FSTL4: variants seen among roughly 807,000 people sequenced by gnomAD.
FSTL4 encodes the protein follistatin like 4, also known as follistatin-related protein 4.
FSTL4 carries 28 observed loss-of-function variants against 78.2 expected under a neutral mutation model. The ratio of observed to expected loss-of-function variants is 0.36; its 90% CI spans 0.27 to 0.49. The LOEUF (loss-of-function observed/expected upper bound fraction) is 0.49, where lower values mean the gene tolerates loss of function less well. Ranked by LOEUF, FSTL4 falls within the 20% of genes least tolerant of loss-of-function variation. FSTL4 has a pLI of 0.98. For missense variants in FSTL4, 922 were observed against 1,084.9 expected, an observed-to-expected ratio of 0.85 and a Z score of 2.11; for synonymous variants, 422 against 440.5, an observed-to-expected ratio of 0.96 and a Z score of 0.53.
chr5:133,468,869 AAC>A (rs1245453744), intron 3 of FSTL4, among the ~76,000 whole-genome samples: 2 of 152,182 alleles, frequency 1.3e-5, no homozygotes, highest in Non-Finnish European at 2.9e-5. Flanking sequence ...GTTACACAAT[AAC>A]ACACACGAGG....
chr5:133,416,787 A>G (rs1756587466), intron 3 of FSTL4, among the ~76,000 whole-genome samples: 1 of 152,248 alleles, frequency 6.6e-6, no homozygotes, highest in South Asian at 2.1e-4. Flanking sequence ...TGCTAAGGAC[A>G]TAAAGATCAA....
At chr5:133,359,874 G>A (rs943838305) in intron 4 of FSTL4, among the ~76,000 whole-genome samples, 2 of 152,174 alleles carry the variant, frequency 1.3e-5, no homozygotes, top group Non-Finnish European at 2.9e-5. Context: ...GCTTTCCCGG[G>A]GAGCCAAGGA....
chr5:133,673,938 A>C, the FSTL4 span, among the ~76,000 whole-genome samples: 1 of 152,216 alleles, frequency 6.6e-6, no homozygotes, highest in African/African-American at 2.4e-5. Context: ...ATAATTTTTC[A>C]CATTGCCATT....
At position 133,249,499 on chromosome 5, in the gene FSTL4, T is replaced by A. The variant is rs1378706507; in HGVS notation, c.805A>T (p.Thr269Ser). The change falls in exon 7 of 16, where the codon ACC (threonine) becomes TCC (serine). Residue 269 changes from threonine to serine, a missense_variant. Thr to Ser is a moderately conservative substitution (Grantham distance 58, BLOSUM62 1). Transcript: ENST00000265342. ...CTCAGGTCTCCATGGACGGCGCAGG[T>A]CAGCACTGTGCTCAGCCCCACGGTC... ...TVTVGLSTVL[T>S]CAVHGDLRPP... The A allele has an allele frequency of 6.2e-7, 1 of 1,613,540 alleles. No individual in the cohort carries two copies. Among genetic ancestry groups the A allele is most frequent in the Non-Finnish European group, 8.5e-7 (1 of 1,179,622 alleles).
At chr5:133,715,326 C>T in the FSTL4 span, among the ~76,000 whole-genome samples, 1 of 152,180 alleles carries the variant, frequency 6.6e-6, no homozygotes, top group African/African-American at 2.4e-5. Context: ...ACTAAATTGG[C>T]AGTTTATTAA....
At chr5:133,841,982 C>A in the FSTL4 span, among the ~76,000 whole-genome samples, 1 of 152,222 alleles carries the variant, frequency 6.6e-6, no homozygotes, top group African/African-American at 2.4e-5. Context: ...TGGCTGGGAC[C>A]ACTGGCTGCC....
the FSTL4 span, among the ~76,000 whole-genome samples, chr5:133,828,637 C>T: frequency 6.6e-6 from 1 of 152,166 alleles, no homozygotes; most frequent in Non-Finnish European, 1.5e-5. Flanking sequence ...CTATGGGCAC[C>T]GTGATCCTCC....
At chr5:133,460,776 C>A (rs530715568) in intron 3 of FSTL4, among the ~76,000 whole-genome samples, 1 of 152,206 alleles carries the variant, frequency 6.6e-6, no homozygotes, top group Non-Finnish European at 1.5e-5. Context: ...TCAGTTTCCT[C>A]GTTTGATAAA....
At chr5:133,433,693 A>G (rs939935237) in intron 3 of FSTL4, among the ~76,000 whole-genome samples, 2 of 152,306 alleles carry the variant, frequency 1.3e-5, no homozygotes, top group Non-Finnish European at 2.9e-5. Flanking sequence ...CGATAGGTAA[A>G]GTCAGGGTGG....
At chr5:133,693,654 G>T in the FSTL4 span, among the ~76,000 whole-genome samples, 1 of 152,180 alleles carries the variant, frequency 6.6e-6, no homozygotes, top group Non-Finnish European at 1.5e-5. Context: ...AGTACATTTT[G>T]TGCTGCTCTA....
At chr5:133,316,802 T>C (rs1341311535) in intron 4 of FSTL4, 150 bp from the exon 5 acceptor site, 2 of 595,736 alleles carry the variant, frequency 3.4e-6, no homozygotes, top group African/African-American at 1.8e-5. Context: ...ATGGGACTTG[T>C]TTGTGTTCTG....
intron 3 of FSTL4, among the ~76,000 whole-genome samples, chr5:133,517,568 G>T: frequency 7.2e-6 from 1 of 139,078 alleles, no homozygotes. Context: ...CATAATTTTT[G>T]GCTGTATATT....
chr5:133,707,885 T>A, the FSTL4 span, among the ~76,000 whole-genome samples: 1 of 151,934 alleles, frequency 6.6e-6, no homozygotes, highest in African/African-American at 2.4e-5. Flanking sequence ...CAGGTGTTGC[T>A]TGAGGCCCGG....
At chr5:133,268,507 T>C (rs1173223209) in intron 6 of FSTL4, among the ~76,000 whole-genome samples, 1 of 152,178 alleles carries the variant, frequency 6.6e-6, no homozygotes, top group Non-Finnish European at 1.5e-5. Context: ...TGGGGAGTTC[T>C]GAGGACTTTG....
chr5:133,249,608 T>C, intron 6 of FSTL4, 32 bp from the exon 7 acceptor site: 1 of 1,586,544 alleles, frequency 6.3e-7, no homozygotes, highest in Non-Finnish European at 8.6e-7. Flanking sequence ...CACGGTCAGG[T>C]GCAGGCCCAG....
intron 4 of FSTL4, among the ~76,000 whole-genome samples, chr5:133,382,988 G>A (rs1008449291): frequency 1.3e-5 from 2 of 152,154 alleles, no homozygotes; most frequent in Non-Finnish European, 1.5e-5. Flanking sequence ...CTGCCTGGTG[G>A]ATATTCAGGT....
the FSTL4 span, among the ~76,000 whole-genome samples, chr5:133,750,575 G>A: frequency 6.6e-6 from 1 of 152,126 alleles, no homozygotes; most frequent in African/African-American, 2.4e-5. Flanking sequence ...CTCGGGTCAG[G>A]GCCCGTGAGG....
chr5:133,509,416 A>G (rs1423363136), intron 3 of FSTL4, among the ~76,000 whole-genome samples: 1 of 152,074 alleles, frequency 6.6e-6, no homozygotes, highest in Non-Finnish European at 1.5e-5. Flanking sequence ...CTGATTCTTT[A>G]TCAGAGAGGA....
intron 3 of FSTL4, among the ~76,000 whole-genome samples, chr5:133,467,369 G>A (rs1006378801): frequency 8.6e-5 from 13 of 152,026 alleles, no homozygotes; most frequent in African/African-American, 2.4e-4. Context: ...GGTTTCCCAC[G>A]GCTGGGCCTG....
Sources: gnomAD v4.1 joint callset for allele counts (sites outside exome capture counted in the v4.1 genomes callset) on GRCh38, gnomAD v4.1.1 for gene constraint, MANE v1.5 for transcripts, NCBI Gene and HGNC (gene_info 2026-07-23, HGNC 2026-07-21) for gene names.